The following SRPK1 variants were observed in gnomAD, a reference collection of about 807,000 sequenced individuals.
The protein encoded by SRPK1 is SFRS protein kinase 1.
In SRPK1, 52 loss-of-function variants were observed where a neutral mutation model predicts 89.5. That is an observed-to-expected ratio of 0.58 (90% CI 0.46 to 0.73). The LOEUF (loss-of-function observed/expected upper bound fraction) is 0.73, where lower values mean the gene tolerates loss of function less well. Ranked by LOEUF, SRPK1 falls within the 30% of genes least tolerant of loss-of-function variation. The pLI, the probability that SRPK1 is intolerant of heterozygous loss-of-function variation, is 0.00. For synonymous variants in SRPK1, 255 were observed against 270.2 expected (o/e 0.94, Z 0.55); for missense variants, 603 against 780.6 (o/e 0.77, Z 2.71).
chr6:35,845,208 C>A (rs920453068), intron 13 of SRPK1, among the ~76,000 whole-genome samples: 1 of 152,134 alleles, frequency 6.6e-6, no homozygotes, highest in Non-Finnish European at 1.5e-5. Context: ...ATGATAGATA[C>A]ATTTGTCAAA....
chr6:35,854,764 A>T (rs1357098505), intron 13 of SRPK1, among the ~76,000 whole-genome samples: 2 of 152,190 alleles, frequency 1.3e-5, no homozygotes, highest in Non-Finnish European at 2.9e-5. Flanking sequence ...CCACTACTAA[A>T]AACTACATCT....
intron 2 of SRPK1, among the ~76,000 whole-genome samples, chr6:35,895,124 A>G (rs780100477): frequency 6.6e-6 from 1 of 152,188 alleles, no homozygotes; most frequent in Non-Finnish European, 1.5e-5. Context: ...CACAAGGGAG[A>G]AAAACATAAT....
intron 6 of SRPK1, 143 bp downstream of exon 6, chr6:35,886,581 G>A (rs2127256230): frequency 3.2e-6 from 2 of 626,686 alleles, no homozygotes; most frequent in Non-Finnish European, 5.7e-6. Flanking sequence ...AAATTCAGAT[G>A]TGTGTTCAGA....
rs755197234 is a variant in SRPK1 at position 35,869,073 on chromosome 6, A to C, written c.1449T>G (p.Leu483=). 1.2e-5 allele frequency: 19 copies of C among 1,613,874 alleles called. No homozygotes were observed. Among genetic ancestry groups the C allele is most frequent in the Non-Finnish European group, 1.4e-5 (16 of 1,179,934 alleles). ...TGAGCTTTTCTGCATTTTTTGGCTC[A>C]AGGGGATTAACAAGAAAATTTCCAG... ...STAGNFLVNP[L]EPKNAEKLKV... Residue 483 remains leucine, a synonymous_variant, in exon 12 of 16, where the codon CTT becomes CTG. Coordinates refer to ENST00000373825, the MANE Select transcript of SRPK1 (RefSeq NM_003137.5).
At position 35,835,449 on chromosome 6, in the gene SRPK1, A is replaced by C; in HGVS notation, c.1823T>G (p.Leu608Arg). ...KHITKLKPWG[L>R]FEVLVEKYEW... The stretch of plus-strand genomic sequence containing the variant: ...ATACTTCTCCACTAGAACCTCAAAA[A>C]GGCCCCAAGGTTTCAGCTTCGTGAT... Residue 608 changes from leucine to arginine, a missense_variant, in exon 16 of 16, where the codon CTT (leucine) becomes CGT (arginine). Physicochemically the swap from Leu to Arg is moderately radical, Grantham distance 102. Transcript: ENST00000373825. The C allele has an allele frequency of 6.2e-7, 1 of 1,613,592 alleles. No individual in the cohort carries two copies. Among genetic ancestry groups the C allele is most frequent in the Non-Finnish European group, 8.5e-7 (1 of 1,179,720 alleles).
intron 6 of SRPK1, among the ~76,000 whole-genome samples, chr6:35,875,626 G>A (rs1276702051): frequency 6.6e-6 from 1 of 152,170 alleles, no homozygotes; most frequent in Admixed American, 6.5e-5. Flanking sequence ...ATCTTCTTTA[G>A]AGAAGAAAGC....
intron 13 of SRPK1, among the ~76,000 whole-genome samples, chr6:35,852,151 T>C (rs1769570053): frequency 6.6e-6 from 1 of 152,180 alleles, no homozygotes; most frequent in Non-Finnish European, 1.5e-5. Context: ...GGGGAACAAA[T>C]GCTTGCCTCT....
chr6:35,869,405 A>G (rs973835462), intron 11 of SRPK1, 77 bp downstream of exon 11: 2 of 1,503,154 alleles, frequency 1.3e-6, no homozygotes, highest in Non-Finnish European at 1.8e-6. Flanking sequence ...TACAAAAACA[A>G]TCATACTTTT....
Position 35,833,325 on chromosome 6 carries a change from G to A in SRPK1, c.*1979C>T, listed in dbSNP as rs1040811972. 1 of 152,376 alleles carries A rather than the reference G, an allele frequency of 6.6e-6. No individual in the cohort carries two copies. The highest frequency in any genetic ancestry group is 2.4e-5 in the African/African-American group (1 of 41,442). The allele number at this position is 152,376 out of a possible 1,614,324, so 9.4% of individuals were successfully genotyped here. A position where few individuals can be genotyped will look rare whatever the true frequency, so the allele number is the denominator to read the frequency against. On this transcript the variant is annotated 3_prime_UTR_variant, in exon 16 of 16. Coordinates refer to ENST00000373825, the MANE Select transcript of SRPK1 (RefSeq NM_003137.5). ...GGTGGAGAAGCATTTCCAAAATGAAGTTACAGGTTCTATTAAAACTTACTG... is the reference window on the plus strand; with the variant it reads ...GGTGGAGAAGCATTTCCAAAATGAAATTACAGGTTCTATTAAAACTTACTG...
chr6:35,858,009 T>C (rs976175460), intron 12 of SRPK1, among the ~76,000 whole-genome samples: 5 of 152,236 alleles, frequency 3.3e-5, no homozygotes, highest in African/African-American at 9.6e-5. Context: ...GAGAATTGTC[T>C]TCCACACTTT....
chr6:35,917,921 C>G (rs1771147249), intron 2 of SRPK1, among the ~76,000 whole-genome samples: 1 of 152,180 alleles, frequency 6.6e-6, no homozygotes, highest in African/African-American at 2.4e-5. Context: ...GTAGCAAAAT[C>G]AGAATTCAAA....
At position 35,870,962 on chromosome 6, in the gene SRPK1, G is replaced by T; in HGVS notation, c.752-3C>A. On this transcript the variant is annotated splice_polypyrimidine_tract_variant and splice_region_variant and intron_variant, in intron 8 of 15. Coordinates refer to ENST00000373825, the MANE Select transcript of SRPK1 (RefSeq NM_003137.5). ...TTTAGGCTGGGGAGCAGTACTGACT[G>T]AAAAGAAAAGAAAACCAAGTAAGAA... The T allele has an allele frequency of 6.2e-7, 1 of 1,605,146 alleles. No individual in the cohort carries two copies. Among genetic ancestry groups the T allele is most frequent in the Non-Finnish European group, 8.5e-7 (1 of 1,174,930 alleles).
At chr6:35,879,447 G>C (rs1224350726) in intron 6 of SRPK1, among the ~76,000 whole-genome samples, 1 of 151,826 alleles carries the variant, frequency 6.6e-6, no homozygotes, top group East Asian at 1.9e-4. Flanking sequence ...TTGAAAGGCT[G>C]AGGCAGGAGG....
At chr6:35,839,318 C>T (rs543089157) in intron 14 of SRPK1, among the ~76,000 whole-genome samples, 3 of 152,172 alleles carry the variant, frequency 2.0e-5, no homozygotes, top group African/African-American at 7.2e-5. Context: ...CTGGCTGATA[C>T]CCCATTTTAA....
chr6:35,863,577 G>A (rs1769830895), intron 12 of SRPK1, among the ~76,000 whole-genome samples: 1 of 150,514 alleles, frequency 6.6e-6, no homozygotes, highest in South Asian at 2.1e-4. Flanking sequence ...AGAGAGTTAA[G>A]GCATCCAGAT....
chr6:35,864,049 A>T (rs1769842386), intron 12 of SRPK1, among the ~76,000 whole-genome samples: 1 of 152,220 alleles, frequency 6.6e-6, no homozygotes, highest in Non-Finnish European at 1.5e-5. Flanking sequence ...ATCAAAATAG[A>T]TTAAAGACTG....
At chr6:35,866,584 T>TA (rs768992248) in intron 12 of SRPK1, among the ~76,000 whole-genome samples, 9 of 150,634 alleles carry the variant, frequency 6.0e-5, no homozygotes, top group South Asian at 2.1e-4. Flanking sequence ...AGACTCCATT[T>TA]AAAAAAAAAG....
chr6:35,909,350 T>G (rs1444209638), intron 2 of SRPK1, among the ~76,000 whole-genome samples: 1 of 152,266 alleles, frequency 6.6e-6, no homozygotes, highest in African/African-American at 2.4e-5. Context: ...CCCTTTGTTT[T>G]GGACAATTTC....
chr6:35,900,352 A>C (rs1353094934), intron 2 of SRPK1, among the ~76,000 whole-genome samples: 3 of 152,214 alleles, frequency 2.0e-5, no homozygotes, highest in Non-Finnish European at 2.9e-5. Flanking sequence ...TAGGTAGAAA[A>C]TAAAAGAAAA....
Sources: allele counts gnomAD v4.1 joint callset (sites outside exome capture counted in the v4.1 genomes callset), GRCh38; gene constraint gnomAD v4.1.1; transcripts MANE v1.5; gene names NCBI Gene and HGNC (gene_info 2026-07-23, HGNC 2026-07-21).